The following AMOTL1 variants were observed in gnomAD, a reference collection of about 807,000 sequenced individuals.
AMOTL1 encodes the protein angiomotin like 1.
A neutral mutation model predicts 102.9 loss-of-function variants in AMOTL1; 45 were observed. That is an observed-to-expected ratio of 0.44 (90% CI 0.34 to 0.56). AMOTL1 has a LOEUF of 0.56. Ranked by LOEUF, AMOTL1 falls within the 20% of genes least tolerant of loss-of-function variation. AMOTL1 has a pLI of 0.01. For synonymous variants in AMOTL1, 481 were observed against 484.7 expected, an observed-to-expected ratio of 0.99 and a Z score of 0.10; for missense variants, 1,114 against 1,225.6, an observed-to-expected ratio of 0.91 and a Z score of 1.36.
At chr11:94,857,226 G>A (rs975866715) in intron 8 of AMOTL1, among the ~76,000 whole-genome samples, 1 of 152,194 alleles carries the variant, frequency 6.6e-6, no homozygotes, top group Non-Finnish European at 1.5e-5. Flanking sequence ...TTTTTGGAAT[G>A]CCTTGCACTT....
intron 3 of AMOTL1, among the ~76,000 whole-genome samples, chr11:94,814,962 G>A (rs145638042): frequency 0.019 from 2,876 of 152,264 alleles, 43 homozygotes; most frequent in Middle Eastern, 0.048. Context: ...TTCATGAGAA[G>A]CCTGGTAAAT....
At chr11:94,847,755 TG>T (rs999557953) in intron 6 of AMOTL1, among the ~76,000 whole-genome samples, 3 of 70,024 alleles carry the variant, frequency 4.3e-5, no homozygotes, top group African/African-American at 1.7e-4. Context: ...ATATATGCGG[TG>T]GGGGGGTGTT....
intron 3 of AMOTL1, among the ~76,000 whole-genome samples, chr11:94,810,230 A>G (rs1042664453): frequency 6.6e-6 from 1 of 152,228 alleles, no homozygotes; most frequent in Admixed American, 6.5e-5. Flanking sequence ...ACAGAAATCT[A>G]TCATAGAATT....
intron 2 of AMOTL1, among the ~76,000 whole-genome samples, chr11:94,796,211 G>A (rs916103276): frequency 2.0e-5 from 3 of 152,132 alleles, no homozygotes; most frequent in African/African-American, 7.2e-5. Context: ...ATTCCTATGA[G>A]GCAGATATGA....
intron 3 of AMOTL1, among the ~76,000 whole-genome samples, chr11:94,816,383 A>G (rs1951766729): frequency 6.6e-6 from 1 of 152,164 alleles, no homozygotes; most frequent in Non-Finnish European, 1.5e-5. Flanking sequence ...TTTACTTGTT[A>G]CCTAAGAAAC....
intron 1 of AMOTL1, among the ~76,000 whole-genome samples, chr11:94,728,018 G>T (rs531728496): frequency 1.8e-4 from 28 of 152,318 alleles, no homozygotes; most frequent in African/African-American, 5.5e-4. Flanking sequence ...CAGCTGGGCT[G>T]ACTACAGCAA....
intron 5 of AMOTL1, 28 bp downstream of exon 5, chr11:94,830,222 A>G: frequency 6.4e-7 from 1 of 1,571,512 alleles, no homozygotes; most frequent in Non-Finnish European, 8.6e-7. Context: ...CTCTCTATCT[A>G]AACTACCTGT....
chr11:94,867,605 C>CAGGG (rs112628198), intron 11 of AMOTL1, among the ~76,000 whole-genome samples: 9,359 of 152,256 alleles, frequency 0.061, 517 homozygotes, highest in African/African-American at 0.14. Context: ...GTCACAAACA[C>CAGGG]AGGGACTCTC....
intron 1 of AMOTL1, among the ~76,000 whole-genome samples, chr11:94,769,318 C>G (rs1397573197): frequency 6.6e-6 from 1 of 152,210 alleles, no homozygotes; most frequent in Non-Finnish European, 1.5e-5. Flanking sequence ...CCGATGACAG[C>G]CGAGCGGAAC....
At position 94,768,662 on chromosome 11, in the gene AMOTL1, G is replaced by C. The variant is rs1366445880; in HGVS notation, c.49+102G>C. On this transcript the variant is annotated intron_variant, in intron 1 of 12. Transcript: ENST00000433060. ...CCCGGGCCCCTGCTGCTCACGGAAG[G>C]GGGCAGCTTCTGGGGGCCCGGGGCT... is the stretch of plus-strand genomic sequence containing the variant. 4.6e-6 allele frequency: 7 copies of C among 1,512,996 alleles called. No homozygotes were observed. In the East Asian group the frequency reaches 1.5e-4, roughly 32 times the overall value. 93.7% of individuals were successfully genotyped at this position (1,512,996 alleles called of 1,614,324 possible).
rs79754217 is a variant in AMOTL1, at chr11:94,828,636, G to A, written c.1414-1414G>A. ...TCCTAGCTCCTAAAGGCCAGGAATT[G>A]CTGTCCTTATTTCTGTATCGTTGGC... On this transcript the variant is annotated intron_variant, in intron 4 of 12. Coordinates refer to ENST00000433060, the MANE Select transcript of AMOTL1 (RefSeq NM_130847.3). Among the ~76,000 whole-genome samples the A allele has an allele frequency of 1.3e-3, 199 of 152,246 alleles. 1 individual carries two copies. Among genetic ancestry groups the A allele is most frequent in the African/African-American group, 4.5e-3 (187 of 41,534 alleles).
At chr11:94,854,185 T>C in intron 8 of AMOTL1, 103 bp downstream of exon 8, 2 of 1,382,520 alleles carry the variant, frequency 1.4e-6, no homozygotes, top group Non-Finnish European at 1.9e-6. Flanking sequence ...CTCCCAGGAT[T>C]CAGAGGGAAA....
chr11:94,856,763 C>A (rs577163596), intron 8 of AMOTL1, among the ~76,000 whole-genome samples: 1 of 152,352 alleles, frequency 6.6e-6, no homozygotes, highest in Admixed American at 6.5e-5. Context: ...CCACCCTCAA[C>A]AGAACAACAG....
intron 9 of AMOTL1, among the ~76,000 whole-genome samples, 198 bp from the exon 10 acceptor site, chr11:94,864,537 C>T (rs1478236259): frequency 6.6e-6 from 1 of 152,136 alleles, no homozygotes; most frequent in African/African-American, 2.4e-5. Context: ...AGCATTTACA[C>T]CTTTCTCTGT....
intron 2 of AMOTL1, among the ~76,000 whole-genome samples, chr11:94,795,411 T>C (rs1951349357): frequency 6.6e-6 from 1 of 152,224 alleles, no homozygotes; most frequent in Admixed American, 6.5e-5. Flanking sequence ...AACTTCAGAA[T>C]TATACCACTT....
At chr11:94,854,854 C>T (rs1952627961) in intron 8 of AMOTL1, among the ~76,000 whole-genome samples, 1 of 152,120 alleles carries the variant, frequency 6.6e-6, no homozygotes, top group East Asian at 1.9e-4. Flanking sequence ...GATGTAAGAC[C>T]ATCCCTAGAA....
intron 2 of AMOTL1, among the ~76,000 whole-genome samples, chr11:94,740,665 G>A (rs1362124165): frequency 2.0e-5 from 3 of 151,990 alleles, no homozygotes; most frequent in African/African-American, 4.8e-5. Context: ...GGGGAGCCGC[G>A]GGGTGGCACG....
intron 3 of AMOTL1, among the ~76,000 whole-genome samples, chr11:94,746,095 C>T (rs995253661): frequency 6.6e-6 from 1 of 152,090 alleles, no homozygotes; most frequent in African/African-American, 2.4e-5. Context: ...GATTGATTCT[C>T]AGTGTTGCAG....
At chr11:94,784,217 G>A (rs1446397545) in intron 1 of AMOTL1, among the ~76,000 whole-genome samples, 1 of 152,060 alleles carries the variant, frequency 6.6e-6, no homozygotes, top group Non-Finnish European at 1.5e-5. Context: ...TGTGTAGTTG[G>A]TTCACATTAA....
Sources: allele counts gnomAD v4.1 joint callset (sites outside exome capture counted in the v4.1 genomes callset), GRCh38; gene constraint gnomAD v4.1.1; transcripts MANE v1.5; gene names NCBI Gene and HGNC (gene_info 2026-07-23, HGNC 2026-07-21).